The following RASGEF1C variants were observed in gnomAD, a reference collection of about 807,000 sequenced individuals.
RASGEF1C encodes the protein ras-GEF domain-containing family member 1C.
RASGEF1C carries 27 observed loss-of-function variants against 58.1 expected under a neutral mutation model. The ratio of observed to expected loss-of-function variants is 0.46; its 90% CI spans 0.34 to 0.64. The LOEUF (loss-of-function observed/expected upper bound fraction) is 0.64. RASGEF1C is among the 30% of genes least tolerant of loss of function. RASGEF1C has a pLI of 0.01. For synonymous variants in RASGEF1C, 243 were observed against 246.3 expected (o/e 0.99, Z 0.13); for missense variants, 502 against 605.1 (o/e 0.83, Z 1.79).
chr5:180,136,657 G>A (rs1172287048), intron 3 of RASGEF1C, 142 bp from the exon 4 acceptor site: 6 of 859,882 alleles, frequency 7.0e-6, no homozygotes, highest in East Asian at 2.8e-5. Flanking sequence ...AGGGGGGTGC[G>A]ATCCTGCTCT....
rs1766882550 is a variant in RASGEF1C at position 180,158,345 on chromosome 5, T to C, written c.-6-20287A>G. On this transcript the variant is annotated intron_variant, in intron 1 of 13. Coordinates refer to ENST00000361132, the MANE Select transcript of RASGEF1C (RefSeq NM_175062.4). This position sits in a 1 kb window ranked among gnomAD's most constrained non-coding sequence, Gnocchi z 4.0. ...TTTAAAGTCTTCTTTCTTGGGTTGGTCTTTCATTTTAATGGAGCACATACT... is the reference window on the plus strand; with the variant it reads ...TTTAAAGTCTTCTTTCTTGGGTTGGCCTTTCATTTTAATGGAGCACATACT... 2.6e-5 allele frequency among the ~76,000 whole-genome samples: 4 copies of C among 152,154 alleles called. No individual in the cohort carries two copies. The highest frequency in any genetic ancestry group is 2.6e-4 in the Admixed American group (4 of 15,288).
In RASGEF1C at chr5:180,121,112, T is replaced by TA. The variant is rs749841725; in HGVS notation, c.751dup (p.Tyr251LeufsTer15). ...GCACAGCCTGTTGAACCATTTCACA[T>TA]AAGCCTCCAGGTTGCTGGTCTTGTC... On this transcript the variant is annotated frameshift_variant, in exon 7 of 14. Coordinates refer to ENST00000361132, the MANE Select transcript of RASGEF1C (RefSeq NM_175062.4). LOFTEE classifies it high-confidence loss of function. 6.2e-7 allele frequency: 1 copy of TA among 1,613,998 alleles called. No individual in the cohort carries two copies. Among genetic ancestry groups the TA allele is most frequent in the Admixed American group, 1.7e-5 (1 of 60,002 alleles).
rs1486967348 is a variant in RASGEF1C at position 180,133,668 on chromosome 5, A to ATGGTTT, written c.438+2709_438+2710insAAACCA. Among the ~76,000 whole-genome samples the ATGGTTT allele has an allele frequency of 7.2e-3, 1,092 of 152,342 alleles. 12 individuals carry two copies. The highest frequency in any genetic ancestry group is 0.025 in the African/African-American group (1,059 of 41,560). ...AAGCCTATGTCTATGGTTTGCTTAC[A>ATGGTTT]GCTAACTTGTGGGAAAGCAAAATGT... is the stretch of plus-strand genomic sequence containing the variant. On this transcript the variant is annotated intron_variant, in intron 4 of 13. Transcript: ENST00000361132.
At chr5:180,187,791 A>C (rs1403645992) in intron 1 of RASGEF1C, among the ~76,000 whole-genome samples, 1 of 152,204 alleles carries the variant, frequency 6.6e-6, no homozygotes, top group Non-Finnish European at 1.5e-5. Context: ...ATCACAAGAC[A>C]ATCAAATACC....
At chr5:180,188,594 A>C (rs1756082119) in intron 1 of RASGEF1C, among the ~76,000 whole-genome samples, 1 of 152,236 alleles carries the variant, frequency 6.6e-6, no homozygotes, top group African/African-American at 2.4e-5. Context: ...CTGCACTTAC[A>C]TCATACTTAA....
chr5:180,176,717 C>A (rs757449061), intron 1 of RASGEF1C, among the ~76,000 whole-genome samples: 1 of 152,148 alleles, frequency 6.6e-6, no homozygotes, highest in Non-Finnish European at 1.5e-5. Flanking sequence ...CCACCATGCC[C>A]GGCTAATTTT....
intron 1 of RASGEF1C, among the ~76,000 whole-genome samples, chr5:180,161,596 G>T (rs898086123): frequency 7.2e-5 from 11 of 152,364 alleles, no homozygotes; most frequent in African/African-American, 2.6e-4. Flanking sequence ...GGGATCCGGG[G>T]CTGTGAGGGC....
chr5:180,167,335 C>CG (rs1419739895), intron 1 of RASGEF1C, among the ~76,000 whole-genome samples: 1 of 152,172 alleles, frequency 6.6e-6, no homozygotes, highest in East Asian at 1.9e-4. Flanking sequence ...TTTCCCCTGT[C>CG]ATCTCCATTC....
In RASGEF1C at chr5:180,143,598, C is replaced by T. The variant is rs1046338984; in HGVS notation, c.-6-5540G>A. ...GCTCTGGGAGCTGGCGTGCTCAGAC[C>T]TTCCTGGTGTAAAAGTCATCCAGGA... On this transcript the variant is annotated intron_variant, in intron 1 of 13. Coordinates refer to ENST00000361132, the MANE Select transcript of RASGEF1C (RefSeq NM_175062.4). The surrounding 1 kb of genome is among the most constrained non-coding windows in gnomAD (Gnocchi z 4.3). Among the ~76,000 whole-genome samples, 4 of 152,332 alleles carry T rather than the reference C, an allele frequency of 2.6e-5. No individual in the cohort carries two copies. The highest frequency in any genetic ancestry group is 3.9e-4 in the East Asian group (2 of 5,184).
intron 1 of RASGEF1C, among the ~76,000 whole-genome samples, chr5:180,183,119 G>A (rs140309262): frequency 6.6e-6 from 1 of 152,112 alleles, no homozygotes; most frequent in Non-Finnish European, 1.5e-5. Context: ...TTTAAAAAAA[G>A]GTCAGATACT....
At chr5:180,105,503 A>G (rs1362954086) in intron 12 of RASGEF1C, among the ~76,000 whole-genome samples, 1 of 151,842 alleles carries the variant, frequency 6.6e-6, no homozygotes, top group East Asian at 1.9e-4. Flanking sequence ...CGGAGGTTGC[A>G]GTGAGCCGCG....
At chr5:180,165,723 C>A (rs1767011391) in intron 1 of RASGEF1C, among the ~76,000 whole-genome samples, 2 of 145,064 alleles carry the variant, frequency 1.4e-5, no homozygotes, top group South Asian at 2.2e-4. Context: ...AATATATGAA[C>A]ATTTTTAGTA....
At chr5:180,207,641 C>G (rs1325743854) in intron 1 of RASGEF1C, among the ~76,000 whole-genome samples, 1 of 40,874 alleles carries the variant, frequency 2.4e-5, no homozygotes, top group African/African-American at 6.8e-5. Context: ...CCTGCCCTCC[C>G]TCTCCTGCCC....
intron 1 of RASGEF1C, among the ~76,000 whole-genome samples, chr5:180,201,422 A>G (rs1259361471): frequency 2.0e-5 from 3 of 152,086 alleles, no homozygotes; most frequent in Non-Finnish European, 4.4e-5. Context: ...GCACTTCATA[A>G]CAACAACAGG....
rs1479222572 is a variant in RASGEF1C, at chr5:180,159,364, TC to T, written c.-6-21307del. 3.3e-5 allele frequency among the ~76,000 whole-genome samples: 5 copies of T among 152,276 alleles called. No individual in the cohort carries two copies. The East Asian group carries it at 9.7e-4, about 29-fold the overall frequency. Reference sequence around the variant, plus strand: ...CATGTTGCCCAGGGTGGTCTCAAACTCCTGAGCTCAAGCAATCTACCTGTTT... The same window carrying T: ...CATGTTGCCCAGGGTGGTCTCAAACTCTGAGCTCAAGCAATCTACCTGTTT... On this transcript the variant is annotated intron_variant, in intron 1 of 13. Coordinates refer to ENST00000361132, the MANE Select transcript of RASGEF1C (RefSeq NM_175062.4).
chr5:180,115,286 T>C, intron 10 of RASGEF1C: 1 of 337,926 alleles, frequency 3.0e-6, no homozygotes, highest in Non-Finnish European at 5.6e-6. Flanking sequence ...GGTGGCCTCC[T>C]TTTTAAAAAA....
chr5:180,190,601 A>ACCTGGG, intron 1 of RASGEF1C, among the ~76,000 whole-genome samples: 5 of 116,166 alleles, frequency 4.3e-5, no homozygotes, highest in Non-Finnish European at 1.1e-4. Context: ...ATTGCTGAGC[A>ACCTGGG]AGGCTGCAGT....
At chr5:180,134,478 G>T (rs2113273977) in intron 4 of RASGEF1C, among the ~76,000 whole-genome samples, 1 of 151,704 alleles carries the variant, frequency 6.6e-6, no homozygotes. Context: ...ACCCTTGGTG[G>T]TCAAAGAGAA....
At position 180,137,690 on chromosome 5, in the gene RASGEF1C, A is replaced by G. The variant is rs1334967893; in HGVS notation, c.200T>C (p.Leu67Pro). 1 of 1,613,012 alleles carries G rather than the reference A, an allele frequency of 6.2e-7. No individual in the cohort carries two copies. Among genetic ancestry groups the G allele is most frequent in the South Asian group, 1.1e-5 (1 of 91,070 alleles). Reference sequence around the variant, plus strand: ...CTCGATGAAGAGGCGAGAGCTCAGCAGGAAGGTGAAGATGTAGGCTTTCTG... The same window carrying G: ...CTCGATGAAGAGGCGAGAGCTCAGCGGGAAGGTGAAGATGTAGGCTTTCTG... ...YPEKAYIFTFLLSSRLFIEPR... is the reference protein window; with the variant it reads ...YPEKAYIFTFPLSSRLFIEPR... Residue 67 changes from leucine (L) to proline (P), a missense_variant, in exon 3 of 14, where the codon CTG becomes CCG. Coordinates refer to ENST00000361132, the MANE Select transcript of RASGEF1C (RefSeq NM_175062.4). This position sits in a 1 kb window ranked among gnomAD's most constrained non-coding sequence, Gnocchi z 4.1.
Sources: gnomAD v4.1 joint callset for allele counts (sites outside exome capture counted in the v4.1 genomes callset) on GRCh38, gnomAD v4.1.1 for gene constraint, Gnocchi (gnomAD v3.1) non-coding constraint, MANE v1.5 for transcripts, NCBI Gene and HGNC (gene_info 2026-07-23, HGNC 2026-07-21) for gene names.